LMO7: variants seen among roughly 807,000 people sequenced by gnomAD.
The protein encoded by LMO7 is LIM domain only protein 7.
Under a neutral mutation model 206.5 loss-of-function variants are expected in LMO7, and 120 were observed. The observed-to-expected ratio is 0.58, with a 90% CI of 0.50 to 0.68. The LOEUF is 0.68. LMO7 is among the 30% of genes least tolerant of loss of function. The pLI is 0.00. For missense variants in LMO7, 1,959 were observed against 1,957.9 expected, an observed-to-expected ratio of 1.00 and a Z score of -0.01; for synonymous variants, 706 against 681.5, an observed-to-expected ratio of 1.04 and a Z score of -0.56.
intron 1 of LMO7, among the ~76,000 whole-genome samples, chr13:75,705,024 C>T (rs1157926949): frequency 6.6e-6 from 1 of 152,188 alleles, no homozygotes; most frequent in Non-Finnish European, 1.5e-5. Context: ...TCAAGGGCTT[C>T]TTCGGAGGCC....
chr13:75,664,003 C>T (rs896103292), intron 1 of LMO7, among the ~76,000 whole-genome samples: 11 of 152,108 alleles, frequency 7.2e-5, no homozygotes, highest in Non-Finnish European at 1.2e-4. Context: ...TATACTCTTT[C>T]AGTTATTTTA....
intron 1 of LMO7, among the ~76,000 whole-genome samples, chr13:75,681,706 G>GTA (rs150463472): frequency 3.6e-4 from 34 of 93,326 alleles, no homozygotes; most frequent in African/African-American, 9.5e-4. Context: ...GTATGTATGT[G>GTA]TATATATATA....
intron 19 of LMO7, among the ~76,000 whole-genome samples, chr13:75,837,284 A>C (rs1018585778): frequency 6.6e-6 from 1 of 152,114 alleles, no homozygotes; most frequent in Non-Finnish European, 1.5e-5. Context: ...TTTCAGTTGC[A>C]TTCTTTATCA....
At chr13:75,838,427 A>G (rs1311289885) in intron 20 of LMO7, 4 of 949,430 alleles carry the variant, frequency 4.2e-6, no homozygotes, top group Non-Finnish European at 5.5e-6. Context: ...ACCTCTAAAC[A>G]TTTTACTTTT....
At chr13:75,828,283 T>A (rs923654403) in intron 15 of LMO7, among the ~76,000 whole-genome samples, 13 of 152,206 alleles carry the variant, frequency 8.5e-5, no homozygotes, top group African/African-American at 3.1e-4. Context: ...TTATCCCCGT[T>A]TTTACCAATG....
chr13:75,646,427 C>T (rs1372225530), intron 1 of LMO7, among the ~76,000 whole-genome samples: 1 of 152,150 alleles, frequency 6.6e-6, no homozygotes, highest in African/African-American at 2.4e-5. Flanking sequence ...CTTTCCATTA[C>T]ATTAAGAATA....
intron 1 of LMO7, among the ~76,000 whole-genome samples, chr13:75,673,809 C>T (rs1300374861): frequency 6.6e-6 from 1 of 152,160 alleles, no homozygotes; most frequent in Admixed American, 6.5e-5. Flanking sequence ...GGCTGAAAAG[C>T]ATACAGAAAA....
chr13:75,702,779 A>G (rs1207084360), intron 1 of LMO7, among the ~76,000 whole-genome samples: 1 of 152,226 alleles, frequency 6.6e-6, no homozygotes, highest in African/African-American at 2.4e-5. Flanking sequence ...TCAGGTATGT[A>G]TATAGCAGGT....
intron 4 of LMO7, among the ~76,000 whole-genome samples, chr13:75,783,233 G>A (rs763551745): frequency 6.6e-6 from 1 of 152,154 alleles, no homozygotes; most frequent in Non-Finnish European, 1.5e-5. Context: ...CTTAAATAAG[G>A]CCCAGCTGAG....
intron 3 of LMO7, among the ~76,000 whole-genome samples, chr13:75,757,105 A>G (rs998821545): frequency 2.0e-5 from 3 of 152,168 alleles, no homozygotes; most frequent in African/African-American, 7.2e-5. Context: ...TGCAACTTCC[A>G]TCTTGCTCCT....
At chr13:75,663,041 G>A (rs1257747493) in intron 1 of LMO7, among the ~76,000 whole-genome samples, 2 of 152,052 alleles carry the variant, frequency 1.3e-5, no homozygotes, top group African/African-American at 2.4e-5. Flanking sequence ...TGAGGTGAGG[G>A]CCTCTAATTT....
At chr13:75,735,741 T>G (rs1429679618) in intron 3 of LMO7, among the ~76,000 whole-genome samples, 1 of 151,894 alleles carries the variant, frequency 6.6e-6, no homozygotes, top group Non-Finnish European at 1.5e-5. Context: ...CCCAAAGTGC[T>G]GGAATTACAA....
At chr13:75,778,963 G>A (rs2050912076) in intron 4 of LMO7, among the ~76,000 whole-genome samples, 3 of 152,128 alleles carry the variant, frequency 2.0e-5, no homozygotes, top group Admixed American at 1.3e-4. Flanking sequence ...CTGGAGGCTG[G>A]CAGGAAGTGA....
chr13:75,701,622 T>C (rs1010413132), intron 1 of LMO7, among the ~76,000 whole-genome samples: 2 of 152,240 alleles, frequency 1.3e-5, no homozygotes, highest in African/African-American at 4.8e-5. Context: ...GTGCCTTGTG[T>C]GGTAGTTATT....
chr13:75,796,011 A>G (rs1009701381), intron 5 of LMO7, among the ~76,000 whole-genome samples: 3 of 152,256 alleles, frequency 2.0e-5, no homozygotes, highest in African/African-American at 7.2e-5. Flanking sequence ...GAGTGGTATA[A>G]GAGGATAGGT....
chr13:75,795,774 C>T (rs1005598568), intron 5 of LMO7, among the ~76,000 whole-genome samples: 5 of 152,004 alleles, frequency 3.3e-5, no homozygotes, highest in Non-Finnish European at 5.9e-5. Flanking sequence ...ACAATGAGAA[C>T]GCATGGACAC....
At chr13:75,737,710 G>A (rs1467488186) in intron 3 of LMO7, among the ~76,000 whole-genome samples, 1 of 113,660 alleles carries the variant, frequency 8.8e-6, no homozygotes, top group African/African-American at 3.5e-5. Flanking sequence ...CCGAGATCGC[G>A]CCACTGCACT....
intron 4 of LMO7, among the ~76,000 whole-genome samples, chr13:75,793,669 A>G (rs1335598527): frequency 6.6e-6 from 1 of 152,192 alleles, no homozygotes; most frequent in Non-Finnish European, 1.5e-5. Flanking sequence ...CTACTTGTTT[A>G]CTTTTTTGAA....
At chr13:75,685,602 G>T (rs2040902658) in intron 1 of LMO7, among the ~76,000 whole-genome samples, 1 of 139,168 alleles carries the variant, frequency 7.2e-6, no homozygotes, top group Non-Finnish European at 1.5e-5. Context: ...GCTGCTCATT[G>T]TTTATACCAA....
Sources: gnomAD v4.1 joint callset for allele counts (sites outside exome capture counted in the v4.1 genomes callset) on GRCh38, gnomAD v4.1.1 for gene constraint, MANE v1.5 for transcripts, NCBI Gene and HGNC (gene_info 2026-07-23, HGNC 2026-07-21) for gene names.